Variants in CPB1 observed in about 807,000 individuals in gnomAD.
CPB1 encodes the protein carboxypeptidase B.
Under a neutral mutation model 51.4 loss-of-function variants are expected in CPB1, and 53 were observed. The observed-to-expected ratio is 1.03, with a 90% CI of 0.83 to 1.30. The LOEUF (loss-of-function observed/expected upper bound fraction) is 1.30, where lower values mean the gene tolerates loss of function less well. Ranked by LOEUF, CPB1 falls within the 50% of genes most tolerant of loss-of-function variation. The pLI is 0.00. For missense variants in CPB1, 494 were observed against 516.2 expected, an observed-to-expected ratio of 0.96 and a Z score of 0.42; for synonymous variants, 189 against 186.9, an observed-to-expected ratio of 1.01 and a Z score of -0.09.
chr3:148,830,613 T>A (rs951791421), intron 2 of CPB1, among the ~76,000 whole-genome samples: 2 of 152,202 alleles, frequency 1.3e-5, no homozygotes, highest in African/African-American at 4.8e-5. Flanking sequence ...ATGGCTAGTA[T>A]AATCAATCAC....
Position 148,857,513 on chromosome 3 carries a change from C to A in CPB1, c.1038C>A (p.Tyr346Ter). The A allele has an allele frequency of 1.9e-6, 3 of 1,613,908 alleles. No homozygotes were observed. The highest frequency in any genetic ancestry group is 2.5e-6 in the Non-Finnish European group (3 of 1,179,864). Reference protein sequence around the residue: ...KELASLHGTKYTYGPGATTIY... With the variant: ...KELASLHGTK Reference sequence around the variant, plus strand: ...TTGCCTCACTGCACGGCACCAAGTACACATATGGCCCGGGAGCTACAACAA... The same window carrying A: ...TTGCCTCACTGCACGGCACCAAGTAAACATATGGCCCGGGAGCTACAACAA... Residue 346 changes from tyrosine (Y) to a stop codon, truncating the protein, a stop_gained, in exon 10 of 11, where the codon TAC becomes TAA. Transcript: ENST00000282957. LOFTEE classifies it high-confidence loss of function.
chr3:148,834,528 C>G lies in CPB1; in HGVS notation c.178C>G (p.Gln60Glu), dbSNP rs760115499. The change falls in exon 3 of 11, where the codon CAA (glutamine) becomes GAA (glutamate). Residue 60 changes from glutamine (Q) to glutamate (E), a missense_variant. Coordinates refer to ENST00000282957, the MANE Select transcript of CPB1 (RefSeq NM_001871.3). ...CTTCTGGAAGCCAGATTCTGTCACA[C>G]AAATCAAACCTCACAGTACAGTTGA... is the stretch of plus-strand genomic sequence containing the variant. The part of the protein sequence containing the change: ...IDFWKPDSVT[Q>E]IKPHSTVDFR... 6 of 1,613,480 alleles carry G rather than the reference C, an allele frequency of 3.7e-6. No individual in the cohort carries two copies. Among genetic ancestry groups the G allele is most frequent in the Non-Finnish European group, 5.1e-6 (6 of 1,179,572 alleles).
intron 9 of CPB1, among the ~76,000 whole-genome samples, chr3:148,853,274 C>T (rs539615749): frequency 6.6e-6 from 1 of 152,232 alleles, no homozygotes; most frequent in African/African-American, 2.4e-5. Flanking sequence ...AAGAGGCAGC[C>T]CCCTGTCATG....
At chr3:148,845,155 G>A (rs1239708323) in intron 8 of CPB1, among the ~76,000 whole-genome samples, 1 of 151,990 alleles carries the variant, frequency 6.6e-6, no homozygotes, top group Non-Finnish European at 1.5e-5. Flanking sequence ...TAATTTTCTT[G>A]CACTATATTG....
At chr3:148,854,809 C>G (rs949893374) in intron 9 of CPB1, 2 of 152,170 alleles carry the variant, frequency 1.3e-5, no homozygotes, top group African/African-American at 4.8e-5. Context: ...TTATAGCATA[C>G]AGTGAACCCT....
In CPB1 at chr3:148,840,936, C is replaced by A. The variant is rs148885382; in HGVS notation, c.435C>A (p.Ile145=). 6.2e-7 allele frequency: 1 copy of A among 1,614,084 alleles called. No homozygotes were observed. The highest frequency in any genetic ancestry group is 8.5e-7 in the Non-Finnish European group (1 of 1,179,982). Residue 145 remains isoleucine (I), a synonymous_variant, in exon 5 of 11, where the codon ATC becomes ATA. Coordinates refer to ENST00000282957, the MANE Select transcript of CPB1 (RefSeq NM_001871.3). ...CAGCCCTCATCTCTCGCAGTGTTATCGGAACCACATTTGAGGGACGCGCTA... is the reference window on the plus strand; with the variant it reads ...CAGCCCTCATCTCTCGCAGTGTTATAGGAACCACATTTGAGGGACGCGCTA... ...ENPALISRSV[I]GTTFEGRAIY... is the part of the protein sequence containing the mutation.
At chr3:148,857,732 T>C in intron 10 of CPB1, 191 bp downstream of exon 10, 1 of 471,012 alleles carries the variant, frequency 2.1e-6, no homozygotes. Flanking sequence ...CATAGCAAAC[T>C]TTTCTCTAAA....
In CPB1 at chr3:148,844,503, TC is replaced by T; in HGVS notation, c.604del (p.Gln202LysfsTer2). On this transcript the variant is annotated frameshift_variant, in exon 7 of 11. Transcript: ENST00000282957. LOFTEE classifies it high-confidence loss of function. Reference protein sequence around the residue: ...REAVRTYGREIQVTELLDKLD... With the variant: ...REAVRTYGREXQVTELLDKLD... ...GCTGTTCGTACCTATGGACGTGAGA[TC>T]CAAGTGACAGAGCTTCTCGACAAGT... 6.2e-7 allele frequency: 1 copy of T among 1,613,868 alleles called. No individual in the cohort carries two copies. The highest frequency in any genetic ancestry group is 8.5e-7 in the Non-Finnish European group (1 of 1,179,812).
At chr3:148,838,916 T>C (rs576251822) in intron 3 of CPB1, among the ~76,000 whole-genome samples, 4 of 152,212 alleles carry the variant, frequency 2.6e-5, no homozygotes, top group Non-Finnish European at 5.9e-5. Flanking sequence ...ACTGGGATAG[T>C]AAATATAATT....
rs770268895 is a variant in CPB1 at position 148,857,477 on chromosome 3, T to C, written c.1002T>C (p.Thr334=). Reference sequence around the variant, plus strand: ...TGCAGAATGCCCTGGCTAAAGCTACTGTGAAAGAACTTGCCTCACTGCACG... The same window carrying C: ...TGCAGAATGCCCTGGCTAAAGCTACCGTGAAAGAACTTGCCTCACTGCACG... ...NAELNALAKA[T]VKELASLHGT... The change falls in exon 10 of 11, where the codon ACT becomes ACC. Residue 334 remains threonine (T), a synonymous_variant. Coordinates refer to ENST00000282957, the MANE Select transcript of CPB1 (RefSeq NM_001871.3). 1 of 1,614,004 alleles carries C rather than the reference T, an allele frequency of 6.2e-7. No individual in the cohort carries two copies.
At chr3:148,837,480 GAAA>G (rs35691600) in intron 3 of CPB1, among the ~76,000 whole-genome samples, 1 of 95,674 alleles carries the variant, frequency 1.0e-5, no homozygotes, top group Non-Finnish European at 2.2e-5. Context: ...TTGTGTGTTA[GAAA>G]AAAAAAAAAA....
At chr3:148,849,987 GA>G (rs111823294) in intron 9 of CPB1, among the ~76,000 whole-genome samples, 4,836 of 152,260 alleles carry the variant, frequency 0.032, 242 homozygotes, top group African/African-American at 0.11. Flanking sequence ...ACATTCATCA[GA>G]AAGTCTTTAA....
At chr3:148,845,661 A>G (rs2108017006) in intron 9 of CPB1, 35 bp downstream of exon 9, 2 of 1,506,834 alleles carry the variant, frequency 1.3e-6, no homozygotes, top group Non-Finnish European at 9.2e-7. Flanking sequence ...ACATTTTACT[A>G]TTGAGATTTT....
intron 9 of CPB1, chr3:148,854,135 T>C (rs1320131439): frequency 6.6e-6 from 1 of 152,142 alleles, no homozygotes; most frequent in African/African-American, 2.4e-5. Context: ...TTGTAGCAAA[T>C]GCAAGAATTA....
At chr3:148,855,901 A>G (rs1232652224) in intron 9 of CPB1, 1 of 152,236 alleles carries the variant, frequency 6.6e-6, no homozygotes, top group Non-Finnish European at 1.5e-5. Flanking sequence ...GTTTACCTAC[A>G]AAAAGAACTA....
At chr3:148,830,998 G>A (rs1388868042) in intron 2 of CPB1, among the ~76,000 whole-genome samples, 3 of 152,156 alleles carry the variant, frequency 2.0e-5, no homozygotes, top group African/African-American at 7.2e-5. Flanking sequence ...TCCAGTCTTT[G>A]TATTCATCCT....
intron 3 of CPB1, 150 bp from the exon 4 acceptor site, chr3:148,840,536 A>G (rs1713044067): frequency 1.5e-6 from 1 of 671,496 alleles, no homozygotes; most frequent in Non-Finnish European, 2.7e-6. Context: ...GAGCAGCTGA[A>G]GGTCATCAGG....
chr3:148,835,583 C>G (rs1228013321), intron 3 of CPB1, among the ~76,000 whole-genome samples: 1 of 152,090 alleles, frequency 6.6e-6, no homozygotes. Flanking sequence ...ACCATGCTAA[C>G]CCAGGACACT....
intron 3 of CPB1, 40 bp from the exon 4 acceptor site, chr3:148,840,646 C>G: frequency 4.5e-6 from 7 of 1,567,126 alleles, no homozygotes; most frequent in Non-Finnish European, 4.4e-6. Flanking sequence ...GAGAAAAATA[C>G]ACTTATGTTC....
Sources: allele counts gnomAD v4.1 joint callset (sites outside exome capture counted in the v4.1 genomes callset), GRCh38; gene constraint gnomAD v4.1.1; transcripts MANE v1.5; gene names NCBI Gene and HGNC (gene_info 2026-07-23, HGNC 2026-07-21).